Variants in CAPN2 observed in about 807,000 individuals in gnomAD.
CAPN2 encodes the protein calpain 2, also known as calpain-2 catalytic subunit.
CAPN2 carries 92 observed loss-of-function variants against 102.3 expected under a neutral mutation model. That is an observed-to-expected ratio of 0.90 (90% confidence interval 0.76 to 1.07). The LOEUF is 1.07. CAPN2 is among the 50% of genes least tolerant of loss of function. The pLI is 0.00. For synonymous variants in CAPN2, 340 were observed against 355.4 expected (o/e 0.96, Z 0.49); for missense variants, 800 against 909.4 (o/e 0.88, Z 1.55).
chr1:223,722,827 A>G (rs1008064907), intron 2 of CAPN2, among the ~76,000 whole-genome samples: 5 of 152,174 alleles, frequency 3.3e-5, no homozygotes, highest in African/African-American at 1.2e-4. Flanking sequence ...TGCTTTATGC[A>G]GATTCTCTTA....
At chr1:223,750,808 C>T (rs924577469) in intron 6 of CAPN2, 82 bp from the exon 7 acceptor site, 49 of 1,299,902 alleles carry the variant, frequency 3.8e-5, no homozygotes, top group Middle Eastern at 3.6e-4. Flanking sequence ...CTGGCTCATG[C>T]GGAAGGGGGT....
chr1:223,747,176 G>T lies in CAPN2; in HGVS notation c.729+11G>T. The stretch of plus-strand genomic sequence containing the variant: ...GGCTGCTCCATCGACGTAAGTCCAG[G>T]CTGCCTTCCCTAGCCTCACCCCATC... On this transcript the variant is annotated intron_variant, in intron 5 of 20. Coordinates refer to ENST00000295006, the MANE Select transcript of CAPN2 (RefSeq NM_001748.5). 1 of 1,608,420 alleles carries T rather than the reference G, an allele frequency of 6.2e-7. No homozygotes were observed. The highest frequency in any genetic ancestry group is 2.2e-5 in the East Asian group (1 of 44,722).
intron 2 of CAPN2, among the ~76,000 whole-genome samples, chr1:223,735,425 G>A (rs1571793979): frequency 6.6e-6 from 1 of 151,874 alleles, no homozygotes; most frequent in South Asian, 2.1e-4. Context: ...CTACTCAGGA[G>A]GCTGAGGCAG....
chr1:223,722,281 CTTTTTTTTTTTTT>C (rs34894876), intron 2 of CAPN2, among the ~76,000 whole-genome samples: 2 of 85,510 alleles, frequency 2.3e-5, no homozygotes, highest in Admixed American at 3.1e-4. Flanking sequence ...TTCTTTCTTT[CTTTTTTTTTTTTT>C]TTTTTTTTTT....
chr1:223,759,316 C>A lies in CAPN2; in HGVS notation c.1364C>A (p.Thr455Lys). The change falls in exon 12 of 21, where the codon ACG (threonine) becomes AAG (lysine). Residue 455 changes from threonine (T) to lysine (K), a missense_variant. Thr to Lys is a moderately conservative substitution (Grantham distance 78). Coordinates refer to ENST00000295006, the MANE Select transcript of CAPN2 (RefSeq NM_001748.5). This position sits in a 1 kb window ranked among gnomAD's most constrained non-coding sequence, Gnocchi z 4.6. Reference sequence around the variant, plus strand: ...CACCTCAGCAAAAACTTCTTCCTGACGAATCGCGCCAGGGAGCGCTCAGAC... The same window carrying A: ...CACCTCAGCAAAAACTTCTTCCTGAAGAATCGCGCCAGGGAGCGCTCAGAC... ...NIHLSKNFFL[T>K]NRARERSDTF... 2 of 1,614,216 alleles carry A rather than the reference C, an allele frequency of 1.2e-6. No homozygotes were observed. Among genetic ancestry groups the A allele is most frequent in the Middle Eastern group, 1.6e-4 (1 of 6,062 alleles).
intron 1 of CAPN2, among the ~76,000 whole-genome samples, chr1:223,716,007 G>C (rs1256314894): frequency 2.6e-5 from 4 of 152,188 alleles, no homozygotes; most frequent in African/African-American, 9.7e-5. Context: ...GACTTCAAAA[G>C]GTTAAGTGAC....
intron 8 of CAPN2, among the ~76,000 whole-genome samples, chr1:223,752,496 C>T (rs1197327061): frequency 6.6e-6 from 1 of 152,246 alleles, no homozygotes; most frequent in Admixed American, 6.5e-5. Flanking sequence ...ACACAACATG[C>T]TCTTTATCAA....
At chr1:223,701,996 G>A (rs1484594506) in intron 1 of CAPN2, among the ~76,000 whole-genome samples, 8 of 50,312 alleles carry the variant, frequency 1.6e-4, no homozygotes, top group East Asian at 1.1e-3. Flanking sequence ...AACAGACTCC[G>A]TCTCAAAAAA....
chr1:223,707,987 CAGA>C (rs1659647904), upstream of CAPN2, among the ~76,000 whole-genome samples: 1 of 152,226 alleles, frequency 6.6e-6, no homozygotes, highest in South Asian at 2.1e-4. Context: ...GCCTCGAGCC[CAGA>C]AGAAGTCGGG....
intron 2 of CAPN2, among the ~76,000 whole-genome samples, chr1:223,737,812 G>A (rs1457043893): frequency 6.6e-6 from 1 of 151,250 alleles, no homozygotes; most frequent in Non-Finnish European, 1.5e-5. Flanking sequence ...TCAAAACCGG[G>A]AGAGGGGAAA....
rs1398762288 is a variant in CAPN2 at position 223,754,610 on chromosome 1, C to A, written c.1136-870C>A. On this transcript the variant is annotated intron_variant, in intron 9 of 20. Transcript: ENST00000295006. This position sits in a 1 kb window ranked among gnomAD's most constrained non-coding sequence, Gnocchi z 4.7. Reference sequence around the variant, plus strand: ...TAATTTCACAGTTAGGGTTTTATCCCATTAGGTATGGAAAGGCAATTAGCA... The same window carrying A: ...TAATTTCACAGTTAGGGTTTTATCCAATTAGGTATGGAAAGGCAATTAGCA... 6.6e-6 allele frequency among the ~76,000 whole-genome samples: 1 copy of A among 152,222 alleles called. No individual in the cohort carries two copies. Among genetic ancestry groups the A allele is most frequent in the Non-Finnish European group, 1.5e-5 (1 of 68,044 alleles).
At chr1:223,717,292 A>G (rs1039330214) in intron 1 of CAPN2, among the ~76,000 whole-genome samples, 1 of 152,216 alleles carries the variant, frequency 6.6e-6, no homozygotes, top group Non-Finnish European at 1.5e-5. Flanking sequence ...AGGAGGTGAC[A>G]ATGAGCCTCA....
At chr1:223,713,223 G>A (rs1264229363) in intron 1 of CAPN2, among the ~76,000 whole-genome samples, 1 of 152,212 alleles carries the variant, frequency 6.6e-6, no homozygotes, top group African/African-American at 2.4e-5. Context: ...ACTCTAGCGG[G>A]GAGCTGGAAG....
At position 223,731,559 on chromosome 1, in the gene CAPN2, C is replaced by T. The variant is rs1462622290; in HGVS notation, c.308-12541C>T. ...CACCATCATCCACAACCAGTTTCCACGTCTGTCTCCTGCCGGCTGTGAGCT... is the reference window on the plus strand; with the variant it reads ...CACCATCATCCACAACCAGTTTCCATGTCTGTCTCCTGCCGGCTGTGAGCT... On this transcript the variant is annotated intron_variant, in intron 2 of 20. Coordinates refer to ENST00000295006, the MANE Select transcript of CAPN2 (RefSeq NM_001748.5). This position sits in a 1 kb window ranked among gnomAD's most constrained non-coding sequence, Gnocchi z 4.2. 2.6e-5 allele frequency among the ~76,000 whole-genome samples: 4 copies of T among 152,212 alleles called. No individual in the cohort carries two copies. Among genetic ancestry groups the T allele is most frequent in the South Asian group, 4.1e-4 (2 of 4,834 alleles).
chr1:223,751,121 CA>C, intron 7 of CAPN2, 146 bp downstream of exon 7: 1 of 709,906 alleles, frequency 1.4e-6, no homozygotes, highest in Non-Finnish European at 2.4e-6. Context: ...GACCCGTGGA[CA>C]GGGGCCCCTC....
At chr1:223,753,304 G>A (rs1558073212) in intron 9 of CAPN2, among the ~76,000 whole-genome samples, 1 of 152,122 alleles carries the variant, frequency 6.6e-6, no homozygotes, top group East Asian at 1.9e-4. Flanking sequence ...CCACTTCACG[G>A]CCATGAGCTG....
At chr1:223,765,593 C>T (rs180799758) in intron 15 of CAPN2, among the ~76,000 whole-genome samples, 583 of 152,310 alleles carry the variant, frequency 3.8e-3, no homozygotes, top group African/African-American at 0.013. Flanking sequence ...AGCATTCGCT[C>T]CGCGCGTGCC....
At chr1:223,737,932 C>A (rs1260971435) in intron 2 of CAPN2, among the ~76,000 whole-genome samples, 1 of 152,020 alleles carries the variant, frequency 6.6e-6, no homozygotes, top group Middle Eastern at 3.2e-3. Context: ...CCCAGGGGAG[C>A]ACAGGGAAGG....
In CAPN2 at chr1:223,775,001, C is replaced by A; in HGVS notation, c.*144C>A. Reference sequence around the variant, plus strand: ...ATGATCATAGCTGAAAATAATGATACTGTCAATTTGAGATAGCAGAAGTTT... The same window carrying A: ...ATGATCATAGCTGAAAATAATGATAATGTCAATTTGAGATAGCAGAAGTTT... On this transcript the variant is annotated 3_prime_UTR_variant, in exon 21 of 21. Coordinates refer to ENST00000295006, the MANE Select transcript of CAPN2 (RefSeq NM_001748.5). 1.4e-6 allele frequency: 1 copy of A among 712,156 alleles called. No homozygotes were observed. The highest frequency in any genetic ancestry group is 2.4e-6 in the Non-Finnish European group (1 of 411,878). The allele number at this position is 712,156 out of a possible 1,614,324, so 44.1% of individuals were successfully genotyped here.
Sources: allele counts gnomAD v4.1 joint callset (sites outside exome capture counted in the v4.1 genomes callset), GRCh38; gene constraint gnomAD v4.1.1; non-coding constraint Gnocchi (gnomAD v3.1); transcripts MANE v1.5; gene names NCBI Gene and HGNC (gene_info 2026-07-23, HGNC 2026-07-21).